The following GFRA1 variants were observed in gnomAD, a reference collection of about 807,000 sequenced individuals.
The protein encoded by GFRA1 is GDNF family receptor alpha-1.
In GFRA1, 16 loss-of-function variants were observed where a neutral mutation model predicts 51.6. That is an observed-to-expected ratio of 0.31 (90% CI 0.21 to 0.47). The LOEUF is 0.47. Ranked by LOEUF, GFRA1 falls within the 20% of genes least tolerant of loss-of-function variation. The pLI, the probability that GFRA1 is intolerant of heterozygous loss-of-function variation, is 1.00. For synonymous variants in GFRA1, 270 were observed against 241.3 expected (o/e 1.12, Z -1.10); for missense variants, 530 against 594.3 (o/e 0.89, Z 1.13).
chr10:116,158,515 C>T (rs959785594), intron 5 of GFRA1, among the ~76,000 whole-genome samples: 2 of 152,178 alleles, frequency 1.3e-5, no homozygotes, highest in African/African-American at 4.8e-5. Flanking sequence ...TAGAATTAAA[C>T]TTCAAGCCTC....
chr10:116,205,139 T>C (rs1203908734), intron 5 of GFRA1, among the ~76,000 whole-genome samples: 2 of 152,194 alleles, frequency 1.3e-5, no homozygotes, highest in Non-Finnish European at 2.9e-5. Flanking sequence ...AATGCTGTCA[T>C]TGACTGAACC....
intron 7 of GFRA1, 151 bp downstream of exon 7, chr10:116,096,504 C>A: frequency 1.8e-6 from 1 of 563,738 alleles, no homozygotes; most frequent in Non-Finnish European, 3.2e-6. Flanking sequence ...TTTTTTTTTA[C>A]AGGCATGTCC....
At position 116,061,333 on chromosome 10, in the gene GFRA1, C is replaced by T. The variant is rs978446864; in HGVS notation, c.*3065G>A. ...TTCATGAAAAATAACCTATGTTAAT[C>T]TCAACTTATACTTTTTTTATTACAG... On this transcript the variant is annotated 3_prime_UTR_variant, in exon 11 of 11. Coordinates refer to ENST00000355422, the MANE Select transcript of GFRA1 (RefSeq NM_005264.8). The T allele has an allele frequency of 6.6e-6, 1 of 150,554 alleles. No homozygotes were observed. Among genetic ancestry groups the T allele is most frequent in the African/African-American group, 2.4e-5 (1 of 40,896 alleles). The allele number at this position is 150,554 out of a possible 1,614,324, so 9.3% of individuals were successfully genotyped here.
Position 116,062,730 on chromosome 10 carries a change from C to T in GFRA1, c.*1668G>A, listed in dbSNP as rs1954879662. 1 of 152,116 alleles carries T rather than the reference C, an allele frequency of 6.6e-6. No homozygotes were observed. Among genetic ancestry groups the T allele is most frequent in the Non-Finnish European group, 1.5e-5 (1 of 68,030 alleles). 9.4% of individuals were successfully genotyped at this position (152,116 alleles called of 1,614,324 possible). A position where few individuals can be genotyped will look rare whatever the true frequency, so the allele number is the denominator to read the frequency against. On this transcript the variant is annotated 3_prime_UTR_variant, in exon 11 of 11. Coordinates refer to ENST00000355422, the MANE Select transcript of GFRA1 (RefSeq NM_005264.8). ...TTACTTAATGTTGGAGAAAAGTGGC[C>T]ACCAGTACTCGATCATTGTAGATTC...
rs994488920 is a variant in GFRA1, at chr10:116,063,891, A to C, written c.*507T>G. ...TCCACAAAGCCCACTCTTGGTAAGA[A>C]TCTTCTTTGTGGCAAAAAAGCTTGG... On this transcript the variant is annotated 3_prime_UTR_variant, in exon 11 of 11. Transcript: ENST00000355422. 5.7e-6 allele frequency: 1 copy of C among 174,524 alleles called. No homozygotes were observed. The highest frequency in any genetic ancestry group is 2.4e-5 in the African/African-American group (1 of 41,710). The allele number at this position is 174,524 out of a possible 1,614,324, so 10.8% of individuals were successfully genotyped here.
At chr10:116,140,009 T>A (rs747951644) in intron 5 of GFRA1, among the ~76,000 whole-genome samples, 4 of 152,218 alleles carry the variant, frequency 2.6e-5, no homozygotes, top group Non-Finnish European at 4.4e-5. Flanking sequence ...GTCCTGAGAA[T>A]TTCTCCTGGT....
chr10:116,138,997 T>A (rs1376871345), intron 5 of GFRA1, among the ~76,000 whole-genome samples: 3 of 152,198 alleles, frequency 2.0e-5, no homozygotes, highest in African/African-American at 7.2e-5. Context: ...AATCTGCCAC[T>A]CTGTCTCCCA....
At chr10:116,263,307 A>G (rs1969425948) in intron 4 of GFRA1, among the ~76,000 whole-genome samples, 1 of 152,218 alleles carries the variant, frequency 6.6e-6, no homozygotes, top group African/African-American at 2.4e-5. Flanking sequence ...AGCTTTAAAA[A>G]GGACTGAGAT....
intron 5 of GFRA1, among the ~76,000 whole-genome samples, chr10:116,190,162 T>C (rs115763618): frequency 2.0e-5 from 3 of 152,216 alleles, no homozygotes; most frequent in Non-Finnish European, 4.4e-5. Flanking sequence ...ACACATTGAC[T>C]GTACTTCTCT....
chr10:116,111,202 G>A (rs984897241), intron 6 of GFRA1, among the ~76,000 whole-genome samples: 1 of 152,140 alleles, frequency 6.6e-6, no homozygotes, highest in Non-Finnish European at 1.5e-5. Flanking sequence ...CCTGTGTTTT[G>A]CTTTGCATTT....
rs562324099 is a variant in GFRA1, at chr10:116,206,145, T to C, written c.433+5486A>G. On this transcript the variant is annotated intron_variant, in intron 5 of 10. Transcript: ENST00000355422. ...TAAAAGTGTTCACGCATTTTTCTCA[T>C]TTCCTAGTTTGCCATCACATAACAA... is the stretch of plus-strand genomic sequence containing the variant. Among the ~76,000 whole-genome samples the C allele has an allele frequency of 8.7e-4, 132 of 152,286 alleles. 1 individual carries two copies. The highest frequency in any genetic ancestry group is 2.7e-3 in the African/African-American group (111 of 41,560).
At chr10:116,202,052 CT>C (rs1169768464) in intron 5 of GFRA1, among the ~76,000 whole-genome samples, 3 of 152,178 alleles carry the variant, frequency 2.0e-5, no homozygotes, top group African/African-American at 7.2e-5. Context: ...GAGCTTTGTC[CT>C]CTTTTCCACT....
intron 9 of GFRA1, among the ~76,000 whole-genome samples, chr10:116,077,898 C>T (rs1266966351): frequency 1.3e-5 from 2 of 152,146 alleles, no homozygotes; most frequent in East Asian, 1.9e-4. Context: ...TCTGCACAAG[C>T]GACACTTAGT....
intron 3 of GFRA1, 146 bp from the exon 4 acceptor site, chr10:116,269,732 A>G: frequency 1.5e-6 from 1 of 681,200 alleles, no homozygotes; most frequent in Non-Finnish European, 2.7e-6. Context: ...CATCTCTTTC[A>G]CTATGGTTAT....
chr10:116,144,497 G>A (rs1328096151), intron 5 of GFRA1, among the ~76,000 whole-genome samples: 6 of 151,666 alleles, frequency 4.0e-5, no homozygotes, highest in Non-Finnish European at 8.8e-5. Context: ...CTCCTTTCTT[G>A]TTTAAAACTA....
At chr10:116,134,606 T>C (rs2901098) in intron 5 of GFRA1, among the ~76,000 whole-genome samples, 116,653 of 152,216 alleles carry the variant, frequency 0.77, 44,781 homozygotes, top group Admixed American at 0.81. Context: ...TCAGACATAT[T>C]GTATTACATG....
chr10:116,172,946 A>G (rs1961188194), intron 5 of GFRA1, among the ~76,000 whole-genome samples: 1 of 152,196 alleles, frequency 6.6e-6, no homozygotes, highest in South Asian at 2.1e-4. Context: ...AGACACCCAG[A>G]GGTATAAGAA....
intron 6 of GFRA1, among the ~76,000 whole-genome samples, chr10:116,111,609 A>G (rs959828235): frequency 6.6e-6 from 1 of 152,034 alleles, no homozygotes; most frequent in Non-Finnish European, 1.5e-5. Context: ...GCCTACTCCC[A>G]TCTGGTGCCT....
Position 116,062,145 on chromosome 10 carries a change from T to G in GFRA1, c.*2253A>C, listed in dbSNP as rs74517727. ...AACTCCCATTTCCGCTTTGGTCATC[T>G]GATGCTAATTAGAGCTGCTGTTACT... is the stretch of plus-strand genomic sequence containing the variant. On this transcript the variant is annotated 3_prime_UTR_variant, in exon 11 of 11. Coordinates refer to ENST00000355422, the MANE Select transcript of GFRA1 (RefSeq NM_005264.8). 2.7e-3 allele frequency: 1,090 copies of G among 398,590 alleles called. 9 individuals carry two copies. Among genetic ancestry groups the G allele is most frequent in the African/African-American group, 0.017 (845 of 48,756 alleles). The allele number at this position is 398,590 out of a possible 1,614,324, so 24.7% of individuals were successfully genotyped here.
Sources: gnomAD v4.1 joint callset for allele counts (sites outside exome capture counted in the v4.1 genomes callset) on GRCh38, gnomAD v4.1.1 for gene constraint, MANE v1.5 for transcripts, NCBI Gene and HGNC (gene_info 2026-07-23, HGNC 2026-07-21) for gene names.